Variants in FAF1 observed in about 807,000 individuals in gnomAD.
FAF1 encodes FAS-associated factor 1.
A neutral mutation model predicts 92.5 loss-of-function variants in FAF1; 25 were observed. The ratio of observed to expected loss-of-function variants is 0.27; its 90% CI spans 0.20 to 0.38. The LOEUF is 0.38. Among genes scored for constraint, FAF1 ranks in the 10% least tolerant of loss-of-function variants. The probability of loss-of-function intolerance (pLI) is 1.00; values close to 1 mark genes in which losing one functional copy is unlikely to be tolerated. For missense variants in FAF1, 636 were observed against 793.3 expected (o/e 0.80, Z 2.38); for synonymous variants, 234 against 273.2 (o/e 0.86, Z 1.42).
intron 4 of FAF1, among the ~76,000 whole-genome samples, chr1:50,753,719 T>C (rs1659961223): frequency 6.6e-6 from 1 of 151,908 alleles, no homozygotes; most frequent in African/African-American, 2.4e-5. Flanking sequence ...ACACAGGTAA[T>C]ACAGTTAATA....
chr1:50,632,785 C>T (rs1419830486), intron 8 of FAF1, among the ~76,000 whole-genome samples: 1 of 152,140 alleles, frequency 6.6e-6, no homozygotes, highest in Non-Finnish European at 1.5e-5. Context: ...TGGTGTTCTT[C>T]TTCTTCCAGA....
intron 1 of FAF1, among the ~76,000 whole-genome samples, chr1:50,952,729 G>A (rs1557602202): frequency 6.6e-6 from 1 of 151,344 alleles, no homozygotes; most frequent in African/African-American, 2.4e-5. Flanking sequence ...CACCCCGTCT[G>A]GGAACTGAGG....
intron 2 of FAF1, among the ~76,000 whole-genome samples, chr1:50,814,691 G>T (rs1440920944): frequency 3.3e-5 from 5 of 152,086 alleles, no homozygotes; most frequent in African/African-American, 1.2e-4. Context: ...GACTTGAATA[G>T]ACATTTCTCC....
chr1:50,707,504 C>A (rs1234546862), intron 6 of FAF1, among the ~76,000 whole-genome samples: 1 of 151,848 alleles, frequency 6.6e-6, no homozygotes, highest in Non-Finnish European at 1.5e-5. Flanking sequence ...TTCGAGACCA[C>A]CCCGGGTAAC....
chr1:50,518,598 G>A (rs540009056), intron 15 of FAF1, among the ~76,000 whole-genome samples: 3 of 152,056 alleles, frequency 2.0e-5, no homozygotes, highest in East Asian at 3.9e-4. Context: ...CTCCCACCAC[G>A]TCTGGCTAAT....
intron 3 of FAF1, among the ~76,000 whole-genome samples, chr1:50,793,003 T>G (rs1010790655): frequency 3.9e-5 from 6 of 151,970 alleles, no homozygotes; most frequent in African/African-American, 1.5e-4. Context: ...TTTGTTTTCT[T>G]TTTTTTTATG....
chr1:50,852,173 A>G (rs1346114117), intron 2 of FAF1, among the ~76,000 whole-genome samples: 3 of 152,210 alleles, frequency 2.0e-5, no homozygotes, highest in African/African-American at 7.2e-5. Flanking sequence ...GAAATCATGT[A>G]ATTTTACTAG....
intron 13 of FAF1, among the ~76,000 whole-genome samples, chr1:50,543,450 T>C (rs998891483): frequency 6.6e-6 from 1 of 152,178 alleles, no homozygotes; most frequent in Non-Finnish European, 1.5e-5. Flanking sequence ...GTGATTCCCA[T>C]GAGTTTAAAA....
At chr1:50,560,536 G>T (rs1462721258) in intron 13 of FAF1, among the ~76,000 whole-genome samples, 1 of 152,200 alleles carries the variant, frequency 6.6e-6, no homozygotes, top group Non-Finnish European at 1.5e-5. Context: ...AACTCCTGGG[G>T]AACTGTTTAC....
At chr1:50,883,619 C>T (rs1197559885) in intron 1 of FAF1, among the ~76,000 whole-genome samples, 1 of 152,242 alleles carries the variant, frequency 6.6e-6, no homozygotes, top group East Asian at 1.9e-4. Context: ...GTTATTCCCT[C>T]CCCTCCTTCC....
intron 9 of FAF1, among the ~76,000 whole-genome samples, chr1:50,589,583 T>C (rs879579400): frequency 1.3e-5 from 2 of 152,244 alleles, no homozygotes; most frequent in African/African-American, 2.4e-5. Flanking sequence ...ATTGATCCCA[T>C]ATCAGATGTA....
intron 1 of FAF1, among the ~76,000 whole-genome samples, chr1:50,923,925 A>G (rs745610512): frequency 4.6e-5 from 7 of 152,222 alleles, no homozygotes; most frequent in East Asian, 1.9e-4. Flanking sequence ...ACATAACTCA[A>G]TGTAATAAAC....
At chr1:50,616,110 G>A (rs1252565882) in intron 8 of FAF1, among the ~76,000 whole-genome samples, 2 of 152,142 alleles carry the variant, frequency 1.3e-5, no homozygotes, top group Non-Finnish European at 2.9e-5. Flanking sequence ...ATTGAAAAGG[G>A]AGTCCTTTCC....
chr1:50,890,792 A>G (rs1204091416), intron 1 of FAF1, among the ~76,000 whole-genome samples: 1 of 152,052 alleles, frequency 6.6e-6, no homozygotes, highest in Non-Finnish European at 1.5e-5. Flanking sequence ...GCTGCCCTTA[A>G]CATTTTTTCC....
At chr1:50,755,382 T>C (rs1187271024) in intron 4 of FAF1, among the ~76,000 whole-genome samples, 3 of 152,222 alleles carry the variant, frequency 2.0e-5, no homozygotes, top group Non-Finnish European at 4.4e-5. Flanking sequence ...GTCTCACATC[T>C]AGGTCACATT....
chr1:50,842,175 A>T (rs551540028), intron 2 of FAF1, among the ~76,000 whole-genome samples: 1 of 152,234 alleles, frequency 6.6e-6, no homozygotes, highest in South Asian at 2.1e-4. Flanking sequence ...ACTAACTAGG[A>T]GTACTGACCC....
chr1:50,712,164 G>T (rs1657960555), intron 6 of FAF1, among the ~76,000 whole-genome samples: 2 of 152,162 alleles, frequency 1.3e-5, no homozygotes, highest in Admixed American at 1.3e-4. Context: ...CTGAGGGATG[G>T]GCAAAGAAGC....
At chr1:50,918,326 A>C in intron 1 of FAF1, among the ~76,000 whole-genome samples, 1 of 101,162 alleles carries the variant, frequency 9.9e-6, no homozygotes, top group South Asian at 4.2e-4. Context: ...ATATCTCCCA[A>C]TGCTATCCCT....
At position 50,727,680 on chromosome 1, in the gene FAF1, G is replaced by C. The variant is rs563112610; in HGVS notation, c.551+11183C>G. ...ATTGCTCCCTTGACTGAAAGTGTCTGTGAGGGTGTTGCCAAAGGAGATTAA... is the reference window on the plus strand; with the variant it reads ...ATTGCTCCCTTGACTGAAAGTGTCTCTGAGGGTGTTGCCAAAGGAGATTAA... On this transcript the variant is annotated intron_variant, in intron 6 of 18. Transcript: ENST00000396153. Among the ~76,000 whole-genome samples the C allele has an allele frequency of 3.3e-5, 5 of 152,338 alleles. No homozygotes were observed. In the South Asian group the frequency reaches 1.0e-3, roughly 32 times the overall value.
Sources: gnomAD v4.1 joint callset for allele counts (sites outside exome capture counted in the v4.1 genomes callset) on GRCh38, gnomAD v4.1.1 for gene constraint, MANE v1.5 for transcripts, NCBI Gene and HGNC (gene_info 2026-07-23, HGNC 2026-07-21) for gene names.